FERMT3: variants seen among roughly 807,000 people sequenced by gnomAD.
FERMT3 encodes the protein FERM domain containing kindlin 3.
In FERMT3, 33 loss-of-function variants were observed where a neutral mutation model predicts 80.8. The ratio of observed to expected loss-of-function variants is 0.41; its 90% CI spans 0.31 to 0.55. The LOEUF is 0.55. FERMT3 is among the 20% of genes least tolerant of loss of function. FERMT3 has a pLI of 0.31. For synonymous variants in FERMT3, 375 were observed against 372.2 expected (o/e 1.01, Z -0.09); for missense variants, 754 against 908.7 (o/e 0.83, Z 2.19).
chr11:64,220,650 G>A lies in FERMT3; in HGVS notation c.1526G>A (p.Arg509Gln), dbSNP rs567812970. The change falls in exon 12 of 15, where the codon CGA becomes CAA. Residue 509 changes from arginine to glutamine, a missense_variant. Coordinates refer to ENST00000345728, the MANE Select transcript of FERMT3 (RefSeq NM_031471.6). ...PYGLVAPRFQ[R>Q]KFKAKQLTPR... ...GGCCTCGTTGCCCCCCGTTTCCAGC[G>A]AAAGTTCAAGGCCAAGCAGGTACCA... The A allele has an allele frequency of 6.2e-6, 10 of 1,611,294 alleles. No individual in the cohort carries two copies. In the African/African-American group the frequency reaches 9.3e-5, roughly 15 times the overall value.
chr11:64,217,985 A>G (rs1946586656), intron 6 of FERMT3, among the ~76,000 whole-genome samples: 1 of 147,326 alleles, frequency 6.8e-6, no homozygotes, highest in Non-Finnish European at 1.5e-5. Flanking sequence ...CATCTTCCAA[A>G]TTATTTCCTT....
rs34119299 is a variant in FERMT3 at position 64,222,563 on chromosome 11, C to CA, written c.1671-463dup. Reference sequence around the variant, plus strand: ...CTGGCAACAAAGCGACACTCCGTCTCAAAAAAAAAAAAAAAAAAAAAAGAG... The same window carrying CA: ...CTGGCAACAAAGCGACACTCCGTCTCAAAAAAAAAAAAAAAAAAAAAAAGAG... On this transcript the variant is annotated intron_variant, in intron 13 of 14. Coordinates refer to ENST00000345728, the MANE Select transcript of FERMT3 (RefSeq NM_031471.6). 7.0e-3 allele frequency among the ~76,000 whole-genome samples: 580 copies of CA among 83,026 alleles called. 12 individuals carry two copies. The highest frequency in any genetic ancestry group is 0.018 in the East Asian group (51 of 2,818). 54.5% of individuals were successfully genotyped at this position (83,026 alleles called of 152,430 possible). A position where few individuals can be genotyped will look rare whatever the true frequency, so the allele number is the denominator to read the frequency against.
chr11:64,215,427 T>G (rs1410038160), intron 6 of FERMT3, among the ~76,000 whole-genome samples: 2 of 152,232 alleles, frequency 1.3e-5, no homozygotes, highest in Non-Finnish European at 2.9e-5. Flanking sequence ...AGGAGTTCTT[T>G]ATATATTCTG....
intron 6 of FERMT3, among the ~76,000 whole-genome samples, chr11:64,218,879 G>T (rs1051042253): frequency 4.0e-5 from 6 of 151,830 alleles, no homozygotes; most frequent in South Asian, 4.1e-4. Flanking sequence ...ACTTGGGGGG[G>T]CCTTAGACTG....
intron 6 of FERMT3, among the ~76,000 whole-genome samples, chr11:64,217,634 C>T (rs1295733152): frequency 6.6e-6 from 1 of 152,202 alleles, no homozygotes; most frequent in African/African-American, 2.4e-5. Context: ...AGGGGTGCAT[C>T]TGGCTCAGCA....
rs774681649 is a variant in FERMT3 at position 64,207,331 on chromosome 11, T to G, written c.-14-20T>G. ...CCTACCAGGGCCTGCCCACCTTGCC[T>G]CCTTCCACACTCTCTGTAGCAGCAG... On this transcript the variant is annotated intron_variant, in intron 1 of 14. Transcript: ENST00000345728. 15 of 1,613,866 alleles carry G rather than the reference T, an allele frequency of 9.3e-6. No homozygotes were observed. The highest frequency in any genetic ancestry group is 1.3e-5 in the Non-Finnish European group (15 of 1,179,882).
rs1337302417 is a variant in FERMT3 at position 64,210,025 on chromosome 11, T to C, written c.161-586T>C. On this transcript the variant is annotated intron_variant, in intron 2 of 14. Coordinates refer to ENST00000345728, the MANE Select transcript of FERMT3 (RefSeq NM_031471.6). The surrounding 1 kb of genome is among the most constrained non-coding windows in gnomAD (Gnocchi z 4.3). ...ACAAGTTTGCTGCAAACCCTGCAGC[T>C]ACCACATGGGAGGCCTTGTTCCGTG... Among the ~76,000 whole-genome samples, 1 of 152,222 alleles carries C rather than the reference T, an allele frequency of 6.6e-6. No individual in the cohort carries two copies. Among genetic ancestry groups the C allele is most frequent in the Non-Finnish European group, 1.5e-5 (1 of 68,040 alleles).
In FERMT3 at chr11:64,223,677, C is replaced by T; in HGVS notation, c.*185C>T. The T allele has an allele frequency of 1.2e-6, 1 of 830,118 alleles. No individual in the cohort carries two copies. The highest frequency in any genetic ancestry group is 1.7e-5 in the South Asian group (1 of 59,912). 51.4% of individuals were successfully genotyped at this position (830,118 alleles called of 1,614,324 possible). On this transcript the variant is annotated 3_prime_UTR_variant, in exon 15 of 15. Transcript: ENST00000345728. ...GCCAGACGCTGTACCATCACCCAGG[C>T]CAGGGATGGGGGTGGGGGTCCCTGA...
At chr11:64,207,637 T>G in intron 2 of FERMT3, 113 bp downstream of exon 2, 1 of 1,314,722 alleles carries the variant, frequency 7.6e-7, no homozygotes, top group South Asian at 1.4e-5. Flanking sequence ...GGTGTCACGG[T>G]GACTCAGGCA....
chr11:64,223,429 C>T lies in FERMT3; in HGVS notation c.1929C>T (p.Ala643=). The T allele has an allele frequency of 1.2e-6, 2 of 1,613,362 alleles. No homozygotes were observed. The stretch of plus-strand genomic sequence containing the variant: ...TTTTCCTGTCGACGCGGGAGCGGGC[C>T]CGTGGGGAGGAGCTGGATGAAGACC... ...GYIFLSTRER[A]RGEELDEDLF... is the part of the protein sequence containing the mutation. The change falls in exon 15 of 15, where the codon GCC becomes GCT. Residue 643 remains alanine, a synonymous_variant. Transcript: ENST00000345728.
rs776023800 is a variant in FERMT3, at chr11:64,223,460, C to T, written c.1960C>T (p.Leu654=). 28 of 1,611,998 alleles carry T rather than the reference C, an allele frequency of 1.7e-5. No individual in the cohort carries two copies. Among genetic ancestry groups the T allele is most frequent in the Non-Finnish European group, 2.4e-5 (28 of 1,180,002 alleles). ...RGEELDEDLF[L]QLTGGHEAF ...GGAGGAGCTGGATGAAGACCTCTTC[C>T]TGCAGCTCACCGGGGGCCATGAGGC... Residue 654 remains leucine (L), a synonymous_variant, in exon 15 of 15, where the codon CTG becomes TTG. Coordinates refer to ENST00000345728, the MANE Select transcript of FERMT3 (RefSeq NM_031471.6).
At chr11:64,207,718 T>G (rs772165226) in intron 2 of FERMT3, 194 bp downstream of exon 2, 86 of 622,728 alleles carry the variant, frequency 1.4e-4, no homozygotes, top group Non-Finnish European at 2.2e-4. Context: ...CTTCCCTCCC[T>G]CCCTTCTGCT....
At chr11:64,213,818 T>A (rs1221635125) in intron 6 of FERMT3, among the ~76,000 whole-genome samples, 1 of 152,162 alleles carries the variant, frequency 6.6e-6, no homozygotes, top group Admixed American at 6.5e-5. Context: ...CACTTTGGCC[T>A]CCCAAAGTGC....
intron 13 of FERMT3, among the ~76,000 whole-genome samples, chr11:64,222,802 A>C (rs1946738731): frequency 6.6e-6 from 1 of 152,160 alleles, no homozygotes; most frequent in South Asian, 2.1e-4. Context: ...AAAAAAAGTT[A>C]CCATTTAAAG....
In FERMT3 at chr11:64,223,366, C is replaced by G. The variant is rs772395750; in HGVS notation, c.1866C>G (p.Ala622=). Residue 622 remains alanine (A), a synonymous_variant, in exon 15 of 15, where the codon GCC becomes GCG. Coordinates refer to ENST00000345728, the MANE Select transcript of FERMT3 (RefSeq NM_031471.6). ...ATGTGGCCTTCAGCTGCGTGTCTGC[C>G]AGCTGCCGAATTGTACACGAGTATA... ...HINVAFSCVS[A]SCRIVHEYIG... 1.9e-6 allele frequency: 3 copies of G among 1,613,978 alleles called. No individual in the cohort carries two copies.
rs1261509609 is a variant in FERMT3 at position 64,219,466 on chromosome 11, G to T, written c.895-58G>T. 6 of 1,562,880 alleles carry T rather than the reference G, an allele frequency of 3.8e-6. No individual in the cohort carries two copies. The Admixed American group carries it at 5.8e-5, about 15-fold the overall frequency. On this transcript the variant is annotated intron_variant, in intron 7 of 14. Transcript: ENST00000345728. This position sits in a 1 kb window ranked among gnomAD's most constrained non-coding sequence, Gnocchi z 4.0. The stretch of plus-strand genomic sequence containing the variant: ...ACCTCCAGGGAAGCCCGGCCTGGGG[G>T]TACTGCTAGGGGACCAGGCTGCTGG...
At chr11:64,220,374 G>C in intron 11 of FERMT3, 48 bp downstream of exon 11, 1 of 1,609,158 alleles carries the variant, frequency 6.2e-7, no homozygotes, top group South Asian at 1.1e-5. Context: ...AGCTGGGGCA[G>C]GGGCAGGGGC....
intron 6 of FERMT3, among the ~76,000 whole-genome samples, chr11:64,213,109 G>A (rs2134853618): frequency 6.6e-6 from 1 of 151,336 alleles, no homozygotes; most frequent in South Asian, 2.1e-4. Context: ...AAGCTAGAGT[G>A]CAGTGGTGCA....
chr11:64,220,085 C>A (rs1946644102), intron 10 of FERMT3, 70 bp downstream of exon 10: 9 of 1,598,368 alleles, frequency 5.6e-6, no homozygotes, highest in Non-Finnish European at 6.9e-6. Context: ...AATGCTCTCA[C>A]CGGCCCTGTT....
Sources: gnomAD v4.1 joint callset for allele counts (sites outside exome capture counted in the v4.1 genomes callset) on GRCh38, gnomAD v4.1.1 for gene constraint, Gnocchi (gnomAD v3.1) non-coding constraint, MANE v1.5 for transcripts, NCBI Gene and HGNC (gene_info 2026-07-23, HGNC 2026-07-21) for gene names.